The following BNC2 variants were observed in gnomAD, a reference collection of about 807,000 sequenced individuals.
BNC2 encodes zinc finger protein basonuclin-2.
In BNC2, 20 loss-of-function variants were observed where a neutral mutation model predicts 76.3. The observed-to-expected ratio is 0.26, with a 90% CI of 0.18 to 0.38. BNC2 has a LOEUF of 0.38. Among genes scored for constraint, BNC2 ranks in the 10% least tolerant of loss-of-function variants. The probability of loss-of-function intolerance (pLI) is 1.00; values close to 1 mark genes in which losing one functional copy is unlikely to be tolerated. For synonymous variants in BNC2, 582 were observed against 514.8 expected (o/e 1.13, Z -1.77); for missense variants, 1,382 against 1,399.8 (o/e 0.99, Z 0.20).
At chr9:16,617,781 T>C (rs1405810797) in intron 3 of BNC2, among the ~76,000 whole-genome samples, 1 of 152,216 alleles carries the variant, frequency 6.6e-6, no homozygotes, top group Non-Finnish European at 1.5e-5. Context: ...ATACATTCAT[T>C]AAATCCTCAC....
chr9:16,602,647 T>C (rs917611702), intron 3 of BNC2, among the ~76,000 whole-genome samples: 2 of 152,178 alleles, frequency 1.3e-5, no homozygotes, highest in African/African-American at 4.8e-5. Context: ...TCAGTTGTGA[T>C]GGGGTTTTGG....
chr9:16,805,571 G>A (rs930812752), intron 1 of BNC2, among the ~76,000 whole-genome samples: 5 of 152,060 alleles, frequency 3.3e-5, no homozygotes, highest in East Asian at 1.9e-4. Flanking sequence ...CAGGTGATCC[G>A]CCTGCCTCAG....
chr9:16,703,701 A>G (rs193207493), intron 3 of BNC2, among the ~76,000 whole-genome samples: 39 of 152,310 alleles, frequency 2.6e-4, no homozygotes, highest in Non-Finnish European at 4.4e-4. Flanking sequence ...TCATTGTTTT[A>G]TAAGATATAT....
chr9:16,805,367 C>G lies in BNC2; in HGVS notation c.3+65279G>C, dbSNP rs192638328. 4.3e-3 allele frequency among the ~76,000 whole-genome samples: 652 copies of G among 151,958 alleles called. 8 individuals are homozygous for G. Among genetic ancestry groups the G allele is most frequent in the Non-Finnish European group, 4.8e-3 (328 of 67,974 alleles). ...TTGAGACAGGGTTTAGCTCTTGTTC[C>G]CCAGGCTGGAGTACAATGGCACGAT... On this transcript the variant is annotated intron_variant, in intron 1 of 6. Coordinates refer to ENST00000380672, the MANE Select transcript of BNC2 (RefSeq NM_017637.6).
chr9:16,723,873 G>T (rs1233195759), intron 3 of BNC2, among the ~76,000 whole-genome samples: 1 of 151,968 alleles, frequency 6.6e-6, no homozygotes, highest in Non-Finnish European at 1.5e-5. Context: ...ATGCACAATA[G>T]AAAAATGTCA....
At chr9:16,723,492 CA>C (rs541498299) in intron 3 of BNC2, among the ~76,000 whole-genome samples, 1 of 40,434 alleles carries the variant, frequency 2.5e-5, no homozygotes, top group African/African-American at 6.6e-5. Context: ...AATAAATACT[CA>C]AAAAAATTGG....
At chr9:16,743,211 A>G (rs150323987) in intron 1 of BNC2, among the ~76,000 whole-genome samples, 1 of 151,486 alleles carries the variant, frequency 6.6e-6, no homozygotes, top group Non-Finnish European at 1.5e-5. Context: ...TGACATCTCC[A>G]AAGAAACTAC....
intron 3 of BNC2, among the ~76,000 whole-genome samples, chr9:16,659,478 C>CA (rs1478584179): frequency 3.9e-5 from 6 of 151,966 alleles, no homozygotes; most frequent in Non-Finnish European, 7.4e-5. Flanking sequence ...TGTGGTGGTG[C>CA]ATGCCTGTAA....
intron 5 of BNC2, among the ~76,000 whole-genome samples, chr9:16,490,864 A>C (rs1002183653): frequency 5.9e-5 from 9 of 152,230 alleles, no homozygotes; most frequent in Non-Finnish European, 1.3e-4. Context: ...CAGAATGAGC[A>C]GTCCCTAATC....
intron 6 of BNC2, among the ~76,000 whole-genome samples, chr9:16,428,334 G>T (rs975941109): frequency 6.6e-6 from 1 of 152,182 alleles, no homozygotes; most frequent in Non-Finnish European, 1.5e-5. Flanking sequence ...CTGCCCATCA[G>T]ACCTACAGGG....
Position 16,490,209 on chromosome 9 carries a change from C to G in BNC2, c.670-52685G>C, listed in dbSNP as rs1401568656. On this transcript the variant is annotated intron_variant, in intron 5 of 6. Coordinates refer to ENST00000380672, the MANE Select transcript of BNC2 (RefSeq NM_017637.6). ...AAAGGTTTAATTGGACTTACAGTTC[C>G]ACATGGCTGGGGAGGCCTCAGAATC... Among the ~76,000 whole-genome samples, 4 of 152,228 alleles carry G rather than the reference C, an allele frequency of 2.6e-5. No homozygotes were observed. In the East Asian group the frequency reaches 5.8e-4, roughly 22 times the overall value.
chr9:16,491,119 G>T (rs1008701689), intron 5 of BNC2, among the ~76,000 whole-genome samples: 19 of 152,136 alleles, frequency 1.2e-4, no homozygotes, highest in African/African-American at 4.1e-4. Flanking sequence ...CTGAAATGAG[G>T]ATGGATCTAT....
intron 3 of BNC2, among the ~76,000 whole-genome samples, chr9:16,722,956 T>C (rs1052314185): frequency 2.0e-5 from 3 of 152,166 alleles, no homozygotes; most frequent in Non-Finnish European, 4.4e-5. Flanking sequence ...ATTCCTACTT[T>C]AGTGTTACAT....
intron 5 of BNC2, among the ~76,000 whole-genome samples, chr9:16,520,801 A>T (rs765854860): frequency 1.3e-5 from 2 of 152,244 alleles, no homozygotes; most frequent in Non-Finnish European, 2.9e-5. Flanking sequence ...TAAGTTTCTT[A>T]TATCAGGCCA....
chr9:16,716,516 C>T (rs1018495419), intron 3 of BNC2, among the ~76,000 whole-genome samples: 2 of 152,080 alleles, frequency 1.3e-5, no homozygotes, highest in African/African-American at 4.8e-5. Flanking sequence ...TATTCCCAAT[C>T]AATCACAACG....
At chr9:16,823,427 C>CA (rs34451487) in intron 1 of BNC2, among the ~76,000 whole-genome samples, 80,756 of 113,010 alleles carry the variant, frequency 0.71, 27,663 homozygotes, top group East Asian at 0.87. Flanking sequence ...CCTGTCTCTA[C>CA]AAAAAAAAAA....
At chr9:16,680,872 A>G (rs890783071) in intron 3 of BNC2, among the ~76,000 whole-genome samples, 1 of 152,150 alleles carries the variant, frequency 6.6e-6, no homozygotes, top group Admixed American at 6.5e-5. Flanking sequence ...TTTTTAAGCT[A>G]CTTGTGATTA....
intron 5 of BNC2, among the ~76,000 whole-genome samples, chr9:16,475,789 G>A (rs1017460289): frequency 1.3e-5 from 2 of 152,196 alleles, no homozygotes; most frequent in Admixed American, 1.3e-4. Flanking sequence ...CTACTGTAAA[G>A]GCAAGTGAGA....
rs59888253 is a variant in BNC2 at position 16,732,162 on chromosome 9, A to AAAAAAAGAAAAAAAG, written c.130-4166_130-4165insCTTTTTTTCTTTTTT. 1.6e-5 allele frequency among the ~76,000 whole-genome samples: 2 copies of AAAAAAAGAAAAAAAG among 123,588 alleles called. 1 individual carries two copies. The highest frequency in any genetic ancestry group is 3.4e-5 in the Non-Finnish European group (2 of 58,684). The allele number at this position is 123,588 out of a possible 152,430, so 81.1% of individuals were successfully genotyped here. A position where few individuals can be genotyped will look rare whatever the true frequency, so the allele number is the denominator to read the frequency against. ...GTTTTTCCCTCCATTTCCTGCAAAA[A>AAAAAAAGAAAAAAAG]AAAAAGAAAAAGAAACAAAAAAGAA... On this transcript the variant is annotated intron_variant, in intron 2 of 6. Transcript: ENST00000380672.
Sources: gnomAD v4.1 joint callset for allele counts (sites outside exome capture counted in the v4.1 genomes callset) on GRCh38, gnomAD v4.1.1 for gene constraint, MANE v1.5 for transcripts, NCBI Gene and HGNC (gene_info 2026-07-23, HGNC 2026-07-21) for gene names.